The following LRP1B variants were observed in gnomAD, a reference collection of about 807,000 sequenced individuals.
LRP1B encodes LDL receptor related protein 1B, also known as low-density lipoprotein receptor-related protein 1B.
A neutral mutation model predicts 556.6 loss-of-function variants in LRP1B; 217 were observed. The observed-to-expected ratio is 0.39, with a 90% CI of 0.35 to 0.44. The LOEUF (loss-of-function observed/expected upper bound fraction) is 0.44, where lower values mean the gene tolerates loss of function less well. LRP1B is among the 20% of genes least tolerant of loss of function. The pLI, the probability that LRP1B is intolerant of heterozygous loss-of-function variation, is 1.00. For synonymous variants in LRP1B, 2,047 were observed against 1,865.8 expected (o/e 1.10, Z -2.50); for missense variants, 5,053 against 5,620.8 (o/e 0.90, Z 3.23).
intron 86 of LRP1B, among the ~76,000 whole-genome samples, chr2:140,260,439 G>C (rs1681880148): frequency 6.6e-6 from 1 of 151,606 alleles, no homozygotes; most frequent in African/African-American, 2.4e-5. Context: ...TTGTTGTACT[G>C]CCTTTAATAC....
chr2:141,016,786 C>G lies in LRP1B; in HGVS notation c.1971-871G>C, dbSNP rs527657150. Among the ~76,000 whole-genome samples the G allele has an allele frequency of 5.9e-5, 9 of 152,150 alleles. No homozygotes were observed. In the South Asian group the frequency reaches 1.4e-3, roughly 25 times the overall value. On this transcript the variant is annotated intron_variant, in intron 12 of 90. Coordinates refer to ENST00000389484, the MANE Select transcript of LRP1B (RefSeq NM_018557.3). ...TAAAGTGTAGGTTTAATCCAGTCAT[C>G]TCATATACAACTTTATAAAGTCTCA... is the stretch of plus-strand genomic sequence containing the variant.
chr2:141,552,208 A>G (rs962856751), intron 2 of LRP1B, among the ~76,000 whole-genome samples: 1 of 151,992 alleles, frequency 6.6e-6, no homozygotes, highest in Admixed American at 6.6e-5. Context: ...GGACAAAATT[A>G]TTTTTTATTT....
chr2:141,968,073 C>T (rs1445187246), intron 1 of LRP1B, among the ~76,000 whole-genome samples: 1 of 151,826 alleles, frequency 6.6e-6, no homozygotes. Context: ...CAGTGAGAAA[C>T]TACTTAGGCT....
At chr2:140,702,023 C>T (rs1686662542) in intron 39 of LRP1B, 118 bp downstream of exon 39, 2 of 1,348,424 alleles carry the variant, frequency 1.5e-6, no homozygotes, top group Non-Finnish European at 1.0e-6. Context: ...GTGGAAATTA[C>T]TGGCTTTGTG....
chr2:141,602,644 T>G (rs1374422341), intron 2 of LRP1B, among the ~76,000 whole-genome samples: 3 of 152,196 alleles, frequency 2.0e-5, no homozygotes, highest in Non-Finnish European at 4.4e-5. Context: ...CAGACAATCC[T>G]TTGGGCTCTG....
intron 66 of LRP1B, among the ~76,000 whole-genome samples, chr2:140,399,092 A>C (rs1178311594): frequency 6.6e-6 from 1 of 151,884 alleles, no homozygotes; most frequent in Non-Finnish European, 1.5e-5. Context: ...CTTTTTCTTT[A>C]ACATTTCTAT....
At chr2:140,274,648 T>A in intron 84 of LRP1B, 50 bp from the exon 85 acceptor site, 1 of 1,505,838 alleles carries the variant, frequency 6.6e-7, no homozygotes, top group Non-Finnish European at 9.1e-7. Context: ...ACAGGACATT[T>A]TTCTTCAGTC....
chr2:141,819,819 A>G (rs564874969), intron 1 of LRP1B, among the ~76,000 whole-genome samples: 2 of 152,310 alleles, frequency 1.3e-5, no homozygotes, highest in South Asian at 4.1e-4. Flanking sequence ...TCATCACTGT[A>G]CAATATATAT....
At chr2:141,141,386 C>T (rs1045882787) in intron 7 of LRP1B, among the ~76,000 whole-genome samples, 11 of 151,878 alleles carry the variant, frequency 7.2e-5, no homozygotes, top group Admixed American at 2.0e-4. Flanking sequence ...CAATTGTTTC[C>T]GTAATATATT....
chr2:141,459,273 G>T (rs1681763361), intron 3 of LRP1B, among the ~76,000 whole-genome samples: 1 of 152,058 alleles, frequency 6.6e-6, no homozygotes. Context: ...CCTTTACAAG[G>T]TCATTTAAAT....
chr2:141,262,043 T>C (rs1348936375), intron 3 of LRP1B, among the ~76,000 whole-genome samples: 1 of 152,174 alleles, frequency 6.6e-6, no homozygotes, highest in Non-Finnish European at 1.5e-5. Flanking sequence ...TTCCCAGCAG[T>C]TGGTATTTTC....
rs114179537 is a variant in LRP1B at position 141,245,039 on chromosome 2, A to T, written c.592+2187T>A. Among the ~76,000 whole-genome samples, 809 of 152,274 alleles carry T rather than the reference A, an allele frequency of 5.3e-3. 7 individuals are homozygous for T. The highest frequency in any genetic ancestry group is 0.018 in the African/African-American group (769 of 41,576). On this transcript the variant is annotated intron_variant, in intron 5 of 90. Coordinates refer to ENST00000389484, the MANE Select transcript of LRP1B (RefSeq NM_018557.3). ...TTGTAAGATAACCTACCTATGTAGAAAAAGAGGACGTGCTTCCTTTATAGG... is the reference window on the plus strand; with the variant it reads ...TTGTAAGATAACCTACCTATGTAGATAAAGAGGACGTGCTTCCTTTATAGG...
chr2:140,937,501 A>T (rs1437313595), intron 20 of LRP1B, among the ~76,000 whole-genome samples: 3 of 152,090 alleles, frequency 2.0e-5, no homozygotes, highest in East Asian at 3.9e-4. Flanking sequence ...TTGCGAGATG[A>T]CAAGATTTCT....
chr2:141,484,265 A>C (rs757238504), intron 2 of LRP1B, among the ~76,000 whole-genome samples: 1 of 148,196 alleles, frequency 6.7e-6, no homozygotes, highest in African/African-American at 2.5e-5. Context: ...CAAAGATCAG[A>C]TAGTTGTAGA....
chr2:140,461,802 C>G lies in LRP1B; in HGVS notation c.9626-4151G>C, dbSNP rs575263687. Among the ~76,000 whole-genome samples the G allele has an allele frequency of 2.0e-3, 310 of 151,664 alleles. 1 individual carries two copies. The highest frequency in any genetic ancestry group is 2.3e-3 in the Non-Finnish European group (158 of 67,938). ...TGAGCTGTGATCGCGCCATTGCACT[C>G]AAGCCTGGTTGACAGAGCAAGACTC... On this transcript the variant is annotated intron_variant, in intron 60 of 90. Transcript: ENST00000389484.
At chr2:141,125,068 T>C (rs905417879) in intron 7 of LRP1B, among the ~76,000 whole-genome samples, 118 of 152,068 alleles carry the variant, frequency 7.8e-4, no homozygotes, top group Non-Finnish European at 1.5e-4. Context: ...AAACTATCAT[T>C]TAAAGAATTA....
chr2:141,289,109 C>A lies in LRP1B; in HGVS notation c.344-34468G>T, dbSNP rs1025740518. On this transcript the variant is annotated intron_variant, in intron 3 of 90. Transcript: ENST00000389484. ...CTTAAAGAATGCAAATGCGGCCGGG[C>A]GCGGTGGCTTAACTCCTGTAATCCC... Among the ~76,000 whole-genome samples, 7 of 151,608 alleles carry A rather than the reference C, an allele frequency of 4.6e-5. No homozygotes were observed. The East Asian group carries it at 1.2e-3, about 25-fold the overall frequency.
chr2:140,988,593 G>A (rs1255162242), intron 17 of LRP1B, among the ~76,000 whole-genome samples: 1 of 152,062 alleles, frequency 6.6e-6, no homozygotes, highest in Admixed American at 6.6e-5. Flanking sequence ...AGTGCAGAGA[G>A]GTATGTCTTT....
intron 51 of LRP1B, among the ~76,000 whole-genome samples, chr2:140,513,503 T>TG (rs397796945): frequency 2.0e-5 from 3 of 151,908 alleles, no homozygotes; most frequent in African/African-American, 7.3e-5. Context: ...TGACTTTTTT[T>TG]CTTTCACAGC....
Sources: allele counts gnomAD v4.1 joint callset (sites outside exome capture counted in the v4.1 genomes callset), GRCh38; gene constraint gnomAD v4.1.1; transcripts MANE v1.5; gene names NCBI Gene and HGNC (gene_info 2026-07-23, HGNC 2026-07-21).